Variants in DOCK1 observed in about 807,000 individuals in gnomAD.
DOCK1 encodes dedicator of cytokinesis 1, also known as dedicator of cytokinesis protein 1.
A neutral mutation model predicts 262.7 loss-of-function variants in DOCK1; 138 were observed. That is an observed-to-expected ratio of 0.53 (90% confidence interval 0.46 to 0.61). DOCK1 has a LOEUF of 0.61. Among genes scored for constraint, DOCK1 ranks in the 20% least tolerant of loss-of-function variants. The pLI, the probability that DOCK1 is intolerant of heterozygous loss-of-function variation, is 0.00. For missense variants in DOCK1, 1,908 were observed against 2,370.7 expected, an observed-to-expected ratio of 0.80 and a Z score of 4.05; for synonymous variants, 866 against 867.4, an observed-to-expected ratio of 1.00 and a Z score of 0.03.
chr10:127,205,799 A>G (rs1327313575), intron 27 of DOCK1, among the ~76,000 whole-genome samples: 1 of 152,222 alleles, frequency 6.6e-6, no homozygotes, highest in Non-Finnish European at 1.5e-5. Flanking sequence ...AAATGTCTAT[A>G]TACCATGTAA....
chr10:127,410,796 A>G lies in DOCK1; in HGVS notation c.4344-44A>G, dbSNP rs188887855. ...CCCCGTGTCCAAAAGCAAATTGGCT[A>G]TTTGCCGGGTTAAATATCTAATGAT... is the stretch of plus-strand genomic sequence containing the variant. On this transcript the variant is annotated intron_variant, in intron 42 of 51. Coordinates refer to ENST00000623213, the MANE Select transcript of DOCK1 (RefSeq NM_001290223.2). 1,770 of 1,591,292 alleles carry G rather than the reference A, an allele frequency of 1.1e-3. 2 individuals carry two copies. Among genetic ancestry groups the G allele is most frequent in the Admixed American group, 1.5e-3 (87 of 57,470 alleles).
chr10:127,158,315 C>T (rs1032172063), intron 27 of DOCK1, among the ~76,000 whole-genome samples: 6 of 152,184 alleles, frequency 3.9e-5, no homozygotes, highest in Middle Eastern at 3.2e-3. Flanking sequence ...GCAGATTCTT[C>T]TCCAGTGACA....
intron 27 of DOCK1, among the ~76,000 whole-genome samples, chr10:127,202,259 G>T (rs1178846469): frequency 6.6e-6 from 1 of 151,946 alleles, no homozygotes; most frequent in African/African-American, 2.4e-5. Context: ...GGAGGTGAAG[G>T]TTGCAGTGAG....
chr10:127,321,898 T>A (rs557044191), intron 29 of DOCK1, among the ~76,000 whole-genome samples: 19 of 151,830 alleles, frequency 1.3e-4, no homozygotes, highest in African/African-American at 4.3e-4. Flanking sequence ...AGGTCAGGGG[T>A]ACAAGACCAT....
At chr10:126,914,076 G>A (rs969978448) in intron 1 of DOCK1, among the ~76,000 whole-genome samples, 2 of 152,196 alleles carry the variant, frequency 1.3e-5, no homozygotes, top group African/African-American at 4.8e-5. Flanking sequence ...GCTTGGGACT[G>A]AATCTCTAGC....
chr10:126,989,452 G>A (rs1017734844), intron 5 of DOCK1, among the ~76,000 whole-genome samples: 1 of 152,032 alleles, frequency 6.6e-6, no homozygotes, highest in African/African-American at 2.4e-5. Flanking sequence ...TCAGCCTCCT[G>A]AGTAGCTGGG....
chr10:127,381,345 C>A lies in DOCK1; in HGVS notation c.3784C>A (p.Leu1262Ile). 1 of 1,612,222 alleles carries A rather than the reference C, an allele frequency of 6.2e-7. No individual in the cohort carries two copies. ...CTACACCGAAGCGGCTTACACCTTG[C>A]TTCTCCATGCAAAGCTTCTTAAGGT... ...DNYTEAAYTL[L>I]LHAKLLKWSE... Residue 1262 changes from leucine to isoleucine, a missense_variant, in exon 37 of 52, where the codon CTT becomes ATT. Coordinates refer to ENST00000623213, the MANE Select transcript of DOCK1 (RefSeq NM_001290223.2).
In DOCK1 at chr10:127,156,869, G is replaced by A. The variant is rs528784887; in HGVS notation, c.2847+29105G>A. On this transcript the variant is annotated intron_variant, in intron 27 of 51. Transcript: ENST00000623213. ...AGGCGTGTGCCACCATGCCTGGCCC[G>A]AGATATTGCTCTTCTAAAGCCCTTC... Among the ~76,000 whole-genome samples, 34 of 152,236 alleles carry A rather than the reference G, an allele frequency of 2.2e-4. No homozygotes were observed. The South Asian group carries it at 3.9e-3, about 18-fold the overall frequency.
chr10:126,961,622 A>G (rs2037228430), intron 1 of DOCK1, among the ~76,000 whole-genome samples: 1 of 152,226 alleles, frequency 6.6e-6, no homozygotes, highest in Non-Finnish European at 1.5e-5. Flanking sequence ...TATTTCATGC[A>G]GCATAATATC....
At chr10:127,212,810 CAAA>C (rs1419813369) in intron 27 of DOCK1, among the ~76,000 whole-genome samples, 1 of 41,936 alleles carries the variant, frequency 2.4e-5, no homozygotes. Flanking sequence ...CACCCCTTGC[CAAA>C]AAAAAAAAAA....
intron 38 of DOCK1, among the ~76,000 whole-genome samples, chr10:127,396,678 C>T (rs1438513079): frequency 6.8e-6 from 1 of 146,182 alleles, no homozygotes; most frequent in African/African-American, 2.6e-5. Context: ...TTGCTGCCTG[C>T]TTTAGTCTTT....
chr10:126,988,841 G>C (rs1204767219), intron 5 of DOCK1, among the ~76,000 whole-genome samples: 1 of 152,170 alleles, frequency 6.6e-6, no homozygotes, highest in Non-Finnish European at 1.5e-5. Context: ...GGGAGGCCGA[G>C]GCGGATGGAT....
intron 27 of DOCK1, among the ~76,000 whole-genome samples, chr10:127,229,822 G>A (rs781156787): frequency 6.6e-6 from 1 of 152,124 alleles, no homozygotes; most frequent in Non-Finnish European, 1.5e-5. Context: ...TTTCCGTAAT[G>A]GCTGTTTACA....
chr10:127,208,341 G>A (rs1363321789), intron 27 of DOCK1, among the ~76,000 whole-genome samples: 4 of 152,178 alleles, frequency 2.6e-5, no homozygotes, highest in Non-Finnish European at 5.9e-5. Flanking sequence ...TGGACAGTCA[G>A]CATTGGATTT....
chr10:126,982,122 C>T (rs1427389316), intron 4 of DOCK1, 149 bp downstream of exon 4: 3 of 811,026 alleles, frequency 3.7e-6, no homozygotes, highest in South Asian at 1.6e-5. Flanking sequence ...AGAAAGGGGA[C>T]TTGTGATTCA....
intron 38 of DOCK1, among the ~76,000 whole-genome samples, chr10:127,386,450 G>A (rs2066125779): frequency 1.3e-5 from 2 of 151,942 alleles, no homozygotes; most frequent in Non-Finnish European, 1.5e-5. Context: ...CCCATCGCCC[G>A]CATTACCACC....
intron 23 of DOCK1, among the ~76,000 whole-genome samples, chr10:127,079,526 A>T (rs1286427866): frequency 6.8e-6 from 1 of 148,082 alleles, no homozygotes; most frequent in East Asian, 1.9e-4. Context: ...ATAGAGACAG[A>T]CTAATAAAAA....
At chr10:127,206,180 G>A (rs113971714) in intron 27 of DOCK1, among the ~76,000 whole-genome samples, 17,981 of 110,448 alleles carry the variant, frequency 0.16, 1,301 homozygotes, top group Middle Eastern at 0.33. Flanking sequence ...GTCTCACTCT[G>A]TTGCCCAGGC....
intron 23 of DOCK1, among the ~76,000 whole-genome samples, chr10:127,063,075 C>T (rs2045639717): frequency 6.6e-6 from 1 of 152,216 alleles, no homozygotes; most frequent in Non-Finnish European, 1.5e-5. Context: ...ACTGGGCTGA[C>T]TTATTGCAGA....
Sources: allele counts gnomAD v4.1 joint callset (sites outside exome capture counted in the v4.1 genomes callset), GRCh38; gene constraint gnomAD v4.1.1; transcripts MANE v1.5; gene names NCBI Gene and HGNC (gene_info 2026-07-23, HGNC 2026-07-21).